CSGALNACT1: variants seen among roughly 807,000 people sequenced by gnomAD.
CSGALNACT1 encodes the protein chondroitin sulfate N-acetylgalactosaminyltransferase 1, also known as beta4GalNAcT-1.
Under a neutral mutation model 51.0 loss-of-function variants are expected in CSGALNACT1, and 52 were observed. The observed-to-expected ratio is 1.02, with a 90% CI of 0.82 to 1.29. CSGALNACT1 has a LOEUF of 1.29. CSGALNACT1 is among the 50% of genes most tolerant of loss of function. CSGALNACT1 has a pLI of 0.00. For missense variants in CSGALNACT1, 935 were observed against 679.2 expected (o/e 1.38, Z -4.19); for synonymous variants, 341 against 254.4 (o/e 1.34, Z -3.24).
At chr8:19,521,244 G>C (rs998307070) in intron 3 of CSGALNACT1, among the ~76,000 whole-genome samples, 1 of 152,094 alleles carries the variant, frequency 6.6e-6, no homozygotes, top group Non-Finnish European at 1.5e-5. Flanking sequence ...AACTGGAGAG[G>C]AAAGACTGGC....
chr8:19,493,841 C>A (rs1159056374), intron 4 of CSGALNACT1, among the ~76,000 whole-genome samples: 1 of 150,850 alleles, frequency 6.6e-6, no homozygotes, highest in African/African-American at 2.4e-5. Context: ...GTTTTCATTT[C>A]TCATCAGTAT....
intron 4 of CSGALNACT1, among the ~76,000 whole-genome samples, chr8:19,488,440 A>T (rs2073601849): frequency 6.9e-6 from 1 of 145,744 alleles, no homozygotes; most frequent in Non-Finnish European, 1.5e-5. Context: ...CTAACTTTGT[A>T]AAGAGCCCTT....
At chr8:19,733,579 G>A (rs1411620700) in intron 1 of CSGALNACT1, among the ~76,000 whole-genome samples, 1 of 152,176 alleles carries the variant, frequency 6.6e-6, no homozygotes, top group Non-Finnish European at 1.5e-5. Context: ...TGCTAAGACA[G>A]AATTTTAATC....
At chr8:19,448,691 C>A (rs1176805762) in intron 5 of CSGALNACT1, among the ~76,000 whole-genome samples, 1 of 152,124 alleles carries the variant, frequency 6.6e-6, no homozygotes, top group African/African-American at 2.4e-5. Flanking sequence ...AGGGCAGAGG[C>A]AGGGCTTTCA....
chr8:19,504,782 A>G (rs2076999411), intron 4 of CSGALNACT1, among the ~76,000 whole-genome samples: 2 of 152,344 alleles, frequency 1.3e-5, no homozygotes, highest in Middle Eastern at 3.4e-3. Context: ...GGGTCATTTC[A>G]TGGGAAAAGA....
rs75652890 is a variant in CSGALNACT1 at position 19,745,870 on chromosome 8, A to G, written c.-297+11980T>C. 9.0e-3 allele frequency among the ~76,000 whole-genome samples: 1,375 copies of G among 152,282 alleles called. 27 individuals are homozygous for G. Among genetic ancestry groups the G allele is most frequent in the African/African-American group, 0.032 (1,323 of 41,556 alleles). ...AAATTAGGGGTTTATATAGCAGGGA[A>G]GGAATATAAGTACACATCGGAAAAC... On this transcript the variant is annotated intron_variant, in intron 1 of 1. Transcript: ENST00000517494.
chr8:19,492,984 G>A (rs923125692), intron 4 of CSGALNACT1, among the ~76,000 whole-genome samples: 3 of 150,764 alleles, frequency 2.0e-5, no homozygotes, highest in Non-Finnish European at 2.9e-5. Context: ...ACAAGGTTAC[G>A]ATCAAGCACT....
At chr8:19,582,362 T>C (rs1032383085) in intron 3 of CSGALNACT1, among the ~76,000 whole-genome samples, 1 of 152,236 alleles carries the variant, frequency 6.6e-6, no homozygotes, top group Non-Finnish European at 1.5e-5. Context: ...ACAATGTACA[T>C]TAGCAAAACT....
chr8:19,676,326 T>C (rs2060187992), intron 1 of CSGALNACT1, among the ~76,000 whole-genome samples: 1 of 152,186 alleles, frequency 6.6e-6, no homozygotes, highest in South Asian at 2.1e-4. Flanking sequence ...ATAAGGCAAA[T>C]GCTCTTGAAA....
intron 3 of CSGALNACT1, among the ~76,000 whole-genome samples, chr8:19,543,790 G>A (rs1020038475): frequency 1.3e-5 from 2 of 152,144 alleles, no homozygotes; most frequent in African/African-American, 2.4e-5. Flanking sequence ...AATAATAACT[G>A]TAAGTGCAAC....
Position 19,505,953 on chromosome 8 carries a change from C to T in CSGALNACT1, c.-119G>A. ...CGTTTGGGGCCCCCGGAGCTGCTTG[C>T]ATCCATTTCCTTCTAGAACGAGTTC... On this transcript the variant is annotated 5_prime_UTR_variant, in exon 4 of 10. It removes an upstream start codon present in the reference 5' UTR. Coordinates refer to ENST00000454498, the Ensembl canonical transcript of CSGALNACT1. 1 of 1,149,052 alleles carries T rather than the reference C, an allele frequency of 8.7e-7. No homozygotes were observed. Among genetic ancestry groups the T allele is most frequent in the African/African-American group, 1.5e-5 (1 of 65,748 alleles). 71.2% of individuals were successfully genotyped at this position (1,149,052 alleles called of 1,614,324 possible).
chr8:19,408,723 G>T, intron 8 of CSGALNACT1, 29 bp from the exon 8 acceptor site: 1 of 1,604,384 alleles, frequency 6.2e-7, no homozygotes, highest in Non-Finnish European at 8.5e-7. Flanking sequence ...CATTTGAGGG[G>T]AAAGTTTAGG....
intron 5 of CSGALNACT1, among the ~76,000 whole-genome samples, chr8:19,446,391 A>G (rs1021687932): frequency 6.6e-6 from 1 of 152,066 alleles, no homozygotes; most frequent in Non-Finnish European, 1.5e-5. Context: ...GGAAACTCCA[A>G]CTTCCTAAGA....
chr8:19,756,951 C>A (rs1253113681), intron 1 of CSGALNACT1, among the ~76,000 whole-genome samples: 1 of 150,264 alleles, frequency 6.7e-6, no homozygotes, highest in Non-Finnish European at 1.5e-5. Context: ...GGAGGCGCCG[C>A]GCCCTCCGCC....
intron 1 of CSGALNACT1, among the ~76,000 whole-genome samples, chr8:19,626,379 C>A (rs554722667): frequency 7.9e-4 from 119 of 151,444 alleles, no homozygotes; most frequent in African/African-American, 2.8e-3. Flanking sequence ...TCCTGAGGCC[C>A]AAAGGGGAAG....
At chr8:19,654,394 A>G (rs1231998367) in intron 1 of CSGALNACT1, among the ~76,000 whole-genome samples, 1 of 152,190 alleles carries the variant, frequency 6.6e-6, no homozygotes. Flanking sequence ...TGTGTGACGC[A>G]CTGGAAAGAG....
chr8:19,716,649 A>G (rs1001229805), intron 1 of CSGALNACT1, among the ~76,000 whole-genome samples: 3 of 139,644 alleles, frequency 2.1e-5, no homozygotes, highest in African/African-American at 7.9e-5. Context: ...AAAATTAGCC[A>G]GATGAGGTGG....
At chr8:19,580,618 C>T (rs1025257566) in intron 3 of CSGALNACT1, among the ~76,000 whole-genome samples, 1 of 152,148 alleles carries the variant, frequency 6.6e-6, no homozygotes, top group Non-Finnish European at 1.5e-5. Context: ...AAAATGTTCA[C>T]ATACAGTATC....
chr8:19,512,689 C>T (rs2078687701), intron 3 of CSGALNACT1, among the ~76,000 whole-genome samples: 1 of 152,200 alleles, frequency 6.6e-6, no homozygotes, highest in African/African-American at 2.4e-5. Flanking sequence ...TCTAAAACCA[C>T]ACAACCTGCA....
Sources: allele counts gnomAD v4.1 joint callset (sites outside exome capture counted in the v4.1 genomes callset), GRCh38; gene constraint gnomAD v4.1.1; transcripts MANE v1.5; gene names NCBI Gene and HGNC (gene_info 2026-07-23, HGNC 2026-07-21).